ARHGAP39: variants seen among roughly 807,000 people sequenced by gnomAD.
ARHGAP39 encodes the protein rho GTPase-activating protein 39.
In ARHGAP39, 44 loss-of-function variants were observed where a neutral mutation model predicts 106.9. The ratio of observed to expected loss-of-function variants is 0.41; its 90% confidence interval spans 0.32 to 0.53. The LOEUF (loss-of-function observed/expected upper bound fraction) is 0.53. Among genes scored for constraint, ARHGAP39 ranks in the 20% least tolerant of loss-of-function variants. ARHGAP39 has a pLI of 0.21. For missense variants in ARHGAP39, 1,496 were observed against 1,577.3 expected (o/e 0.95, Z 0.87); for synonymous variants, 768 against 693.2 (o/e 1.11, Z -1.69).
chr8:144,561,854 T>C (rs559851971), intron 3 of ARHGAP39, among the ~76,000 whole-genome samples: 15 of 147,328 alleles, frequency 1.0e-4, no homozygotes, highest in East Asian at 6.1e-4. Context: ...GTGGTTTCCA[T>C]TGGACTCACC....
At chr8:144,608,964 T>C (rs1820391163) in intron 1 of ARHGAP39, among the ~76,000 whole-genome samples, 1 of 152,238 alleles carries the variant, frequency 6.6e-6, no homozygotes, top group African/African-American at 2.4e-5. Context: ...CACAGATTTA[T>C]TATGTTTTCT....
intron 1 of ARHGAP39, among the ~76,000 whole-genome samples, chr8:144,672,675 A>G (rs1031974956): frequency 6.6e-6 from 1 of 152,144 alleles, no homozygotes; most frequent in South Asian, 2.1e-4. Context: ...CTTAGTGTTG[A>G]TATTAATTTT....
chr8:144,562,600 T>A, intron 3 of ARHGAP39, among the ~76,000 whole-genome samples: 1 of 149,206 alleles, frequency 6.7e-6, no homozygotes, highest in African/African-American at 2.5e-5. Flanking sequence ...ACTCCAGTGG[T>A]TTCCATCGGA....
In ARHGAP39 at chr8:144,532,292, G is replaced by T. The variant is rs774095048; in HGVS notation, c.2980+13C>A. 3 of 1,611,762 alleles carry T rather than the reference G, an allele frequency of 1.9e-6. No individual in the cohort carries two copies. Among genetic ancestry groups the T allele is most frequent in the Admixed American group, 3.3e-5 (2 of 59,956 alleles). On this transcript the variant is annotated intron_variant, in intron 10 of 11. Coordinates refer to ENST00000377307, the MANE Select transcript of ARHGAP39 (RefSeq NM_025251.3). ...CCAGGCCCGCTCTGCTGCAGCGTGT[G>T]TGGGGGACTCACCAGGGACGTGGGG... is the stretch of plus-strand genomic sequence containing the variant.
intron 6 of ARHGAP39, among the ~76,000 whole-genome samples, chr8:144,540,928 T>C (rs1216159396): frequency 6.6e-6 from 1 of 152,244 alleles, no homozygotes; most frequent in African/African-American, 2.4e-5. Flanking sequence ...CTCGGCTCAC[T>C]GCAACCTCCG....
At chr8:144,602,930 T>TGC (rs1447754018) in intron 2 of ARHGAP39, among the ~76,000 whole-genome samples, 9 of 135,112 alleles carry the variant, frequency 6.7e-5, no homozygotes, top group East Asian at 2.3e-4. Context: ...GAGGCGTGTG[T>TGC]GTGCTCGTGT....
intron 2 of ARHGAP39, among the ~76,000 whole-genome samples, chr8:144,582,100 T>TAGCCCTGCGACAGGCCTGGTCCTCGCCA (rs1819013852): frequency 2.0e-5 from 3 of 152,008 alleles, no homozygotes; most frequent in African/African-American, 7.3e-5. Flanking sequence ...GGGGTCTCGT[T>TAGCCCTGCGACAGGCCTGGTCCTCGCCA]TCCAGGGAAA....
At chr8:144,538,542 CATTT>C (rs951443972) in intron 6 of ARHGAP39, among the ~76,000 whole-genome samples, 4 of 152,186 alleles carry the variant, frequency 2.6e-5, no homozygotes, top group Admixed American at 6.5e-5. Flanking sequence ...TTGAATTACT[CATTT>C]ATATCAGTAT....
At chr8:144,687,922 T>C (rs866960203), upstream of ARHGAP39, among the ~76,000 whole-genome samples, 49 of 131,050 alleles carry the variant, frequency 3.7e-4, no homozygotes, top group African/African-American at 1.2e-3. Context: ...ACACTGGCGG[T>C]GAGCACTTCC....
At chr8:144,629,175 A>G (rs1262288228) in intron 1 of ARHGAP39, among the ~76,000 whole-genome samples, 1 of 151,882 alleles carries the variant, frequency 6.6e-6, no homozygotes, top group Admixed American at 6.6e-5. Flanking sequence ...TTGAGGCCAC[A>G]TTGCTCTTCT....
chr8:144,681,931 G>C (rs1347341815), intron 1 of ARHGAP39, among the ~76,000 whole-genome samples: 3 of 152,200 alleles, frequency 2.0e-5, no homozygotes, highest in African/African-American at 4.8e-5. Context: ...CCATCTCCTT[G>C]AGAAATATGG....
At chr8:144,571,048 G>A (rs1010727187) in intron 3 of ARHGAP39, among the ~76,000 whole-genome samples, 1 of 152,194 alleles carries the variant, frequency 6.6e-6, no homozygotes, top group African/African-American at 2.4e-5. Flanking sequence ...AATTCTACCA[G>A]AGGTACAGAG....
intron 1 of ARHGAP39, among the ~76,000 whole-genome samples, 156 bp downstream of exon 1, chr8:144,685,530 C>T (rs1822565664): frequency 6.7e-6 from 1 of 148,978 alleles, no homozygotes; most frequent in African/African-American, 2.4e-5. Context: ...AGTCACAGCC[C>T]CTCCCGCCGC....
chr8:144,555,409 G>C (rs1817878926), intron 4 of ARHGAP39, 151 bp downstream of exon 4: 1 of 703,854 alleles, frequency 1.4e-6, no homozygotes, highest in Non-Finnish European at 2.5e-6. Context: ...CTCCTGTCCA[G>C]GCCCCTGGCC....
At chr8:144,616,545 C>G (rs555848674) in intron 1 of ARHGAP39, among the ~76,000 whole-genome samples, 55 of 152,282 alleles carry the variant, frequency 3.6e-4, no homozygotes, top group African/African-American at 1.3e-3. Flanking sequence ...CCAAGCTGAG[C>G]CCCCCAAGCC....
Position 144,581,292 on chromosome 8 carries a change from G to C in ARHGAP39, c.81-15C>G, listed in dbSNP as rs1818980339. On this transcript the variant is annotated splice_polypyrimidine_tract_variant and intron_variant, in intron 2 of 11. Transcript: ENST00000377307. ...CCCACTCCAACCTGGGGAGAGACAG[G>C]GTTAAGGCGGCTGGAGCCACGGCGG... 1.3e-6 allele frequency: 2 copies of C among 1,527,198 alleles called. No individual in the cohort carries two copies. Among genetic ancestry groups the C allele is most frequent in the African/African-American group, 2.8e-5 (2 of 72,662 alleles). The allele number at this position is 1,527,198 out of a possible 1,614,324, so 94.6% of individuals were successfully genotyped here.
intron 6 of ARHGAP39, among the ~76,000 whole-genome samples, chr8:144,538,494 T>C (rs1252107294): frequency 6.6e-6 from 1 of 152,070 alleles, no homozygotes; most frequent in Non-Finnish European, 1.5e-5. Flanking sequence ...CGTAAATTAT[T>C]TGTCATTATT....
At position 144,591,602 on chromosome 8, in the gene ARHGAP39, T is replaced by C. The variant is rs1295054566; in HGVS notation, c.81-10325A>G. ...GAAGGCTCCGGGAGGCCAGTGGTGC[T>C]GGGGGACAGGGTGCGTGCCAGAAGA... On this transcript the variant is annotated intron_variant, in intron 2 of 11. Coordinates refer to ENST00000377307, the MANE Select transcript of ARHGAP39 (RefSeq NM_025251.3). This position sits in a 1 kb window ranked among gnomAD's most constrained non-coding sequence, Gnocchi z 5.3. 6.6e-6 allele frequency among the ~76,000 whole-genome samples: 1 copy of C among 151,068 alleles called. No individual in the cohort carries two copies. Among genetic ancestry groups the C allele is most frequent in the Non-Finnish European group, 1.5e-5 (1 of 67,806 alleles).
intron 2 of ARHGAP39, among the ~76,000 whole-genome samples, chr8:144,598,298 G>A (rs1303364530): frequency 2.0e-5 from 3 of 152,224 alleles, no homozygotes; most frequent in Middle Eastern, 3.2e-3. Context: ...GAACCCAGCC[G>A]TGGGCTTTTC....
Sources: gnomAD v4.1 joint callset for allele counts (sites outside exome capture counted in the v4.1 genomes callset) on GRCh38, gnomAD v4.1.1 for gene constraint, Gnocchi (gnomAD v3.1) non-coding constraint, MANE v1.5 for transcripts, NCBI Gene and HGNC (gene_info 2026-07-23, HGNC 2026-07-21) for gene names.